The following CACHD1 variants were observed in gnomAD, a reference collection of about 807,000 sequenced individuals.
The protein encoded by CACHD1 is cache domain containing 1, also known as VWFA and cache domain-containing protein 1.
CACHD1 carries 71 observed loss-of-function variants against 138.7 expected under a neutral mutation model. The observed-to-expected ratio is 0.51, with a 90% CI of 0.42 to 0.62. The LOEUF (loss-of-function observed/expected upper bound fraction) is 0.62, where lower values mean the gene tolerates loss of function less well. Among genes scored for constraint, CACHD1 ranks in the 20% least tolerant of loss-of-function variants. The pLI is 0.00. For missense variants in CACHD1, 1,389 were observed against 1,625.3 expected (o/e 0.85, Z 2.50); for synonymous variants, 578 against 591.5 (o/e 0.98, Z 0.33).
chr1:64,505,019 A>T (rs1332213046), intron 1 of CACHD1, among the ~76,000 whole-genome samples: 1 of 152,150 alleles, frequency 6.6e-6, no homozygotes, highest in Non-Finnish European at 1.5e-5. Context: ...AAGACTTCCA[A>T]ACTTTTTTCT....
rs751357480 is a variant in CACHD1 at position 64,679,656 on chromosome 1, G to A, written c.3306G>A (p.Gly1102=). 4 of 1,614,202 alleles carry A rather than the reference G, an allele frequency of 2.5e-6. No homozygotes were observed. The highest frequency in any genetic ancestry group is 3.4e-6 in the Non-Finnish European group (4 of 1,180,032). ...CCCCTGTGGGTCCTGTGGCTGGAGG[G>A]ATCATGGGATGCATCATGGTCTTGG... The part of the protein sequence containing the change: ...KSAPVGPVAG[G]IMGCIMVLVL... The change falls in exon 24 of 27, where the codon GGG becomes GGA. Residue 1102 remains glycine (G), a synonymous_variant. Coordinates refer to ENST00000651257, the MANE Select transcript of CACHD1 (RefSeq NM_020925.4).
intron 4 of CACHD1, among the ~76,000 whole-genome samples, chr1:64,603,661 A>G (rs1337166918): frequency 3.9e-5 from 6 of 152,182 alleles, no homozygotes; most frequent in South Asian, 2.1e-4. Context: ...CCATAATACC[A>G]TATACCAAGG....
chr1:64,690,576 AAC>A (rs1225531380), intron 26 of CACHD1, among the ~76,000 whole-genome samples: 6 of 152,232 alleles, frequency 3.9e-5, no homozygotes, highest in African/African-American at 1.2e-4. Context: ...GGGGGCAGCT[AAC>A]ACAGAGAATA....
intron 1 of CACHD1, among the ~76,000 whole-genome samples, chr1:64,516,514 CT>C (rs1361458436): frequency 6.6e-6 from 1 of 152,172 alleles, no homozygotes; most frequent in African/African-American, 2.4e-5. Context: ...TTATGAGATT[CT>C]GTCAGTGAGG....
intron 1 of CACHD1, among the ~76,000 whole-genome samples, chr1:64,531,731 T>C (rs896131597): frequency 4.6e-5 from 7 of 152,214 alleles, no homozygotes; most frequent in Non-Finnish European, 1.5e-5. Context: ...TGCTCAAACA[T>C]GGAGAAGCGT....
intron 1 of CACHD1, 109 bp from the exon 2 acceptor site, chr1:64,550,485 A>T (rs1269785543): frequency 1.5e-5 from 11 of 735,568 alleles, no homozygotes; most frequent in Non-Finnish European, 2.4e-5. Context: ...TTTTAATTAA[A>T]TTTTTTTTCT....
intron 1 of CACHD1, among the ~76,000 whole-genome samples, chr1:64,487,761 G>A (rs1646251788): frequency 1.3e-5 from 2 of 152,124 alleles, no homozygotes; most frequent in Admixed American, 1.3e-4. Flanking sequence ...AATTCATTTG[G>A]TTAGTAGAAG....
chr1:64,482,382 T>C (rs910058977), intron 1 of CACHD1, among the ~76,000 whole-genome samples: 4 of 152,192 alleles, frequency 2.6e-5, no homozygotes, highest in Non-Finnish European at 5.9e-5. Context: ...AAAGACAGGA[T>C]GTGCTGAAAT....
intron 1 of CACHD1, among the ~76,000 whole-genome samples, chr1:64,495,853 G>A (rs575826232): frequency 1.3e-4 from 20 of 151,634 alleles, no homozygotes; most frequent in South Asian, 8.3e-4. Flanking sequence ...CTTCCCAGGC[G>A]TGTCTTTCAC....
chr1:64,649,091 T>C (rs540675773), intron 9 of CACHD1, among the ~76,000 whole-genome samples: 3 of 152,316 alleles, frequency 2.0e-5, no homozygotes, highest in Non-Finnish European at 2.9e-5. Context: ...TACGGATTTT[T>C]TTTAAAACTC....
chr1:64,682,115 T>C lies in CACHD1; in HGVS notation c.3586+9T>C, dbSNP rs561797724. On this transcript the variant is annotated intron_variant, in intron 26 of 26. Coordinates refer to ENST00000651257, the MANE Select transcript of CACHD1 (RefSeq NM_020925.4). ...AACAGAAAGTGATCATGGTAAGGTC[T>C]AGCTTCCTGCATTTGAAGACCCAAG... The C allele has an allele frequency of 6.8e-6, 11 of 1,612,754 alleles. No homozygotes were observed. Among genetic ancestry groups the C allele is most frequent in the Admixed American group, 1.7e-5 (1 of 60,016 alleles).
At chr1:64,573,147 G>A (rs1046826987) in intron 2 of CACHD1, among the ~76,000 whole-genome samples, 4 of 152,218 alleles carry the variant, frequency 2.6e-5, no homozygotes, top group Admixed American at 6.5e-5. Flanking sequence ...AACCCCCAAT[G>A]TGATGGTATT....
chr1:64,558,343 A>G (rs566020401), intron 2 of CACHD1, among the ~76,000 whole-genome samples: 7 of 152,346 alleles, frequency 4.6e-5, no homozygotes, highest in African/African-American at 1.7e-4. Flanking sequence ...GAAGATCCCC[A>G]TGGGCCCTCA....
chr1:64,531,980 A>G (rs1191386366), intron 1 of CACHD1, among the ~76,000 whole-genome samples: 1 of 152,218 alleles, frequency 6.6e-6, no homozygotes, highest in Non-Finnish European at 1.5e-5. Context: ...CCTGTGTTCT[A>G]GAAACTCACA....
At chr1:64,661,795 G>C (rs1649451712) in intron 13 of CACHD1, among the ~76,000 whole-genome samples, 1 of 152,012 alleles carries the variant, frequency 6.6e-6, no homozygotes, top group African/African-American at 2.4e-5. Context: ...AATCTCCCAG[G>C]GTAGCCAATG....
At chr1:64,586,229 A>G (rs12070565) in intron 3 of CACHD1, among the ~76,000 whole-genome samples, 2,311 of 152,120 alleles carry the variant, frequency 0.015, 71 homozygotes, top group African/African-American at 0.053. Flanking sequence ...ACGCCCGGCT[A>G]ATTTTTGTAT....
intron 2 of CACHD1, 27 bp downstream of exon 2, chr1:64,550,683 C>G (rs1355534643): frequency 6.7e-7 from 1 of 1,490,354 alleles, no homozygotes; most frequent in East Asian, 2.3e-5. Flanking sequence ...ACTTGACACT[C>G]CCTGTCTTTG....
At position 64,648,039 on chromosome 1, in the gene CACHD1, G is replaced by A; in HGVS notation, c.1390+5G>A. ...TCTCTGATGAGATGGGAGATGGTGAGTTTGGATAAACGTCATTTTAAAGGA... is the reference window on the plus strand; with the variant it reads ...TCTCTGATGAGATGGGAGATGGTGAATTTGGATAAACGTCATTTTAAAGGA... On this transcript the variant is annotated splice_donor_5th_base_variant and intron_variant, in intron 9 of 26. Coordinates refer to ENST00000651257, the MANE Select transcript of CACHD1 (RefSeq NM_020925.4). 1 of 1,603,404 alleles carries A rather than the reference G, an allele frequency of 6.2e-7. No homozygotes were observed. The highest frequency in any genetic ancestry group is 1.1e-5 in the South Asian group (1 of 90,040).
chr1:64,673,450 A>G lies in CACHD1; in HGVS notation c.2713A>G (p.Asn905Asp), dbSNP rs1649885021. 6.2e-7 allele frequency: 1 copy of G among 1,613,182 alleles called. No homozygotes were observed. Among genetic ancestry groups the G allele is most frequent in the South Asian group, 1.1e-5 (1 of 91,054 alleles). Residue 905 changes from asparagine (N) to aspartate (D), a missense_variant, in exon 19 of 27, where the codon AAC (asparagine) becomes GAC (aspartate). Physicochemically the swap from Asn to Asp is conservative, Grantham distance 23 (BLOSUM62 1). Transcript: ENST00000651257. ...AACGGTCCAGAGGTTTTATAAATTC[A>G]ACACCAGCCTTGCGGTAAGTTGATC... The part of the protein sequence containing the change: ...DRTVQRFYKF[N>D]TSLAGDLTNL...
Sources: gnomAD v4.1 joint callset for allele counts (sites outside exome capture counted in the v4.1 genomes callset) on GRCh38, gnomAD v4.1.1 for gene constraint, MANE v1.5 for transcripts, NCBI Gene and HGNC (gene_info 2026-07-23, HGNC 2026-07-21) for gene names.